Variants in SYNE4 observed in about 807,000 individuals in gnomAD.
SYNE4 encodes the protein nesprin-4.
In SYNE4, 41 loss-of-function variants were observed where a neutral mutation model predicts 46.9. The ratio of observed to expected loss-of-function variants is 0.87; its 90% CI spans 0.68 to 1.13. SYNE4 has a LOEUF of 1.13. Among genes scored for constraint, SYNE4 ranks in the 50% most tolerant of loss-of-function variants. The probability of loss-of-function intolerance (pLI) is 0.00; values close to 1 mark genes in which losing one functional copy is unlikely to be tolerated. For missense variants in SYNE4, 492 were observed against 514.8 expected (o/e 0.96, Z 0.43); for synonymous variants, 221 against 219.5 (o/e 1.01, Z -0.06).
At position 36,008,552 on chromosome 19, in the gene SYNE4, A is replaced by G. The variant is rs750079185; in HGVS notation, c.128+2T>C. The G allele has an allele frequency of 6.2e-7, 1 of 1,613,138 alleles. No individual in the cohort carries two copies. Among genetic ancestry groups the G allele is most frequent in the South Asian group, 1.1e-5 (1 of 91,014 alleles). On this transcript the variant is annotated splice_donor_variant, in intron 1 of 7. Transcript: ENST00000324444. LOFTEE classifies it high-confidence loss of function. ...ACAAGCTTCCAAAGCCCCGGCCCCCACCTCGTGCTCTCCTCTCCGGACGCG... is the reference window on the plus strand; with the variant it reads ...ACAAGCTTCCAAAGCCCCGGCCCCCGCCTCGTGCTCTCCTCTCCGGACGCG...
chr19:36,008,677 G>A lies in SYNE4; in HGVS notation c.5C>T (p.Ala2Val), dbSNP rs1230414382. 1.9e-6 allele frequency: 3 copies of A among 1,610,208 alleles called. No individual in the cohort carries two copies. Among genetic ancestry groups the A allele is most frequent in the Non-Finnish European group, 2.5e-6 (3 of 1,178,324 alleles). M[A>V]LSLPLGPRLG... ...TCTAGGGCCCAGAGGCAGGGACAGGGCCATGGCTGGGGGCCTGGGGACACA... is the reference window on the plus strand; with the variant it reads ...TCTAGGGCCCAGAGGCAGGGACAGGACCATGGCTGGGGGCCTGGGGACACA... The change falls in exon 1 of 8, where the codon GCC becomes GTC. Residue 2 changes from alanine to valine, a missense_variant. Coordinates refer to ENST00000324444, the MANE Select transcript of SYNE4 (RefSeq NM_001039876.3).
At position 36,008,166 on chromosome 19, in the gene SYNE4, G is replaced by A. The variant is rs369332263; in HGVS notation, c.279+51C>T. The A allele has an allele frequency of 1.3e-4, 209 of 1,564,370 alleles. 1 individual carries two copies. The South Asian group carries it at 1.9e-3, about 14-fold the overall frequency. ...TCAGTATGGAGGCCAGACTCCAGGGGACAGAGAGGAGGTGGGGCTGGCACA... is the reference window on the plus strand; with the variant it reads ...TCAGTATGGAGGCCAGACTCCAGGGAACAGAGAGGAGGTGGGGCTGGCACA... On this transcript the variant is annotated intron_variant, in intron 2 of 7. Transcript: ENST00000324444.
chr19:36,007,889 G>A (rs140433479), intron 2 of SYNE4, among the ~76,000 whole-genome samples: 1 of 151,958 alleles, frequency 6.6e-6, no homozygotes, highest in Non-Finnish European at 1.5e-5. Flanking sequence ...GCCAGGTATG[G>A]TGGCATGTGC....
At chr19:36,008,146 A>G (rs965374051) in intron 2 of SYNE4, 71 bp downstream of exon 2, 2 of 1,511,070 alleles carry the variant, frequency 1.3e-6, no homozygotes. Context: ...GGTCCTCAGT[A>G]TGGAGGCCAG....
chr19:36,004,593 C>A (rs1845254157), intron 6 of SYNE4, among the ~76,000 whole-genome samples: 1 of 152,242 alleles, frequency 6.6e-6, no homozygotes. Flanking sequence ...ACCTCCCCAA[C>A]TTCCATGATT....
intron 2 of SYNE4, 139 bp from the exon 3 acceptor site, chr19:36,007,407 G>T (rs1204034305): frequency 2.1e-6 from 3 of 1,427,200 alleles, no homozygotes; most frequent in Non-Finnish European, 2.8e-6. Flanking sequence ...GCACCAGGAT[G>T]GCTCCCACTG....
At chr19:36,003,581 C>T in intron 7 of SYNE4, 32 bp downstream of exon 7, 1 of 1,610,176 alleles carries the variant, frequency 6.2e-7, no homozygotes, top group Non-Finnish European at 8.5e-7. Flanking sequence ...CTCTGTCCCC[C>T]ACACCCTAGT....
At chr19:36,004,153 C>T (rs778627204) in intron 6 of SYNE4, among the ~76,000 whole-genome samples, 25 of 152,156 alleles carry the variant, frequency 1.6e-4, no homozygotes, top group Non-Finnish European at 2.6e-4. Flanking sequence ...GGACCACAGG[C>T]ACATGCCACT....
chr19:36,004,866 CTTTTTTTTTTT>C (rs59700541), intron 6 of SYNE4, among the ~76,000 whole-genome samples: 3 of 89,912 alleles, frequency 3.3e-5, no homozygotes, highest in East Asian at 3.3e-4. Flanking sequence ...TTCTTTCTTT[CTTTTTTTTTTT>C]TTTTTTTTTT....
Position 36,003,650 on chromosome 19 carries a change from G to A in SYNE4, c.994C>T (p.Pro332Ser), listed in dbSNP as rs749079483. The change falls in exon 7 of 8, where the codon CCT (proline) becomes TCT (serine). Residue 332 changes from proline to serine, a missense_variant. Coordinates refer to ENST00000324444, the MANE Select transcript of SYNE4 (RefSeq NM_001039876.3). ...TCCAGCCTCACATCCTGGAGATGAG[G>A]AGATGCTTGCCTCTTCTTGTCCTAA... ...KPQDKKRQAS[P>S]HLQDVRLEGN... The A allele has an allele frequency of 6.2e-7, 1 of 1,613,054 alleles. No individual in the cohort carries two copies. Among genetic ancestry groups the A allele is most frequent in the Non-Finnish European group, 8.5e-7 (1 of 1,179,746 alleles).
Position 36,008,639 on chromosome 19 carries a change from G to A in SYNE4, c.43C>T (p.Pro15Ser). 6.2e-7 allele frequency: 1 copy of A among 1,613,968 alleles called. No homozygotes were observed. Among genetic ancestry groups the A allele is most frequent in the Non-Finnish European group, 8.5e-7 (1 of 1,179,920 alleles). ...GGTGCTCCCGGTGGGTGGTTGAGGGGCTCTGAGCCAAGTCTAGGGCCCAGA... is the reference window on the plus strand; with the variant it reads ...GGTGCTCCCGGTGGGTGGTTGAGGGACTCTGAGCCAAGTCTAGGGCCCAGA... ...LPLGPRLGSE[P>S]LNHPPGAPRE... Residue 15 changes from proline (P) to serine (S), a missense_variant, in exon 1 of 8, where the codon CCC (proline) becomes TCC (serine). Pro to Ser is a moderately conservative substitution (Grantham distance 74, BLOSUM62 -1). Coordinates refer to ENST00000324444, the MANE Select transcript of SYNE4 (RefSeq NM_001039876.3).
In SYNE4 at chr19:36,007,813, C is replaced by T. The variant is rs372507186; in HGVS notation, c.279+404G>A. On this transcript the variant is annotated intron_variant, in intron 2 of 7. Coordinates refer to ENST00000324444, the MANE Select transcript of SYNE4 (RefSeq NM_001039876.3). Reference sequence around the variant, plus strand: ...CTGAGGTGGGTGGATCACCTGAGGTCGGGAGTTCGAGACTAGCCTGGCCAA... The same window carrying T: ...CTGAGGTGGGTGGATCACCTGAGGTTGGGAGTTCGAGACTAGCCTGGCCAA... Among the ~76,000 whole-genome samples the T allele has an allele frequency of 5.3e-5, 8 of 151,730 alleles. 1 individual carries two copies. The highest frequency in any genetic ancestry group is 3.4e-3 in the Middle Eastern group (1 of 292).
In SYNE4 at chr19:36,008,271, CG is replaced by C; in HGVS notation, c.224del (p.Pro75ArgfsTer28). On this transcript the variant is annotated frameshift_variant, in exon 2 of 8. Coordinates refer to ENST00000324444, the MANE Select transcript of SYNE4 (RefSeq NM_001039876.3). LOFTEE classifies it high-confidence loss of function. ...CGTAGGAAGAGGGTGTTGACCATCTCGGGGGGTGAGCGGCAGGCTCATTGCC... is the reference window on the plus strand; with the variant it reads ...CGTAGGAAGAGGGTGTTGACCATCTCGGGGGTGAGCGGCAGGCTCATTGCC... ...PRGNEPAAHP[P>X]RWSTPSSYED... 4 of 1,605,962 alleles carry C rather than the reference CG, an allele frequency of 2.5e-6. No individual in the cohort carries two copies. The highest frequency in any genetic ancestry group is 2.6e-6 in the Non-Finnish European group (3 of 1,175,822).
intron 6 of SYNE4, 77 bp from the exon 7 acceptor site, chr19:36,003,748 TCA>T: frequency 6.4e-7 from 1 of 1,551,436 alleles, no homozygotes; most frequent in Non-Finnish European, 8.7e-7. Context: ...AGACGGAGTC[TCA>T]CTCTTGGCAC....
chr19:36,008,627 G>A lies in SYNE4; in HGVS notation c.55C>T (p.Pro19Ser). The A allele has an allele frequency of 2.5e-6, 4 of 1,614,056 alleles. 1 individual carries two copies. The South Asian group carries it at 4.4e-5, about 18-fold the overall frequency. ...TCCGCCTCTCTAGGTGCTCCCGGTGGGTGGTTGAGGGGCTCTGAGCCAAGT... is the reference window on the plus strand; with the variant it reads ...TCCGCCTCTCTAGGTGCTCCCGGTGAGTGGTTGAGGGGCTCTGAGCCAAGT... ...PRLGSEPLNH[P>S]PGAPREADIV... is the part of the protein sequence containing the mutation. The change falls in exon 1 of 8, where the codon CCA (proline) becomes TCA (serine). Residue 19 changes from proline (P) to serine (S), a missense_variant. Coordinates refer to ENST00000324444, the MANE Select transcript of SYNE4 (RefSeq NM_001039876.3).
In SYNE4 at chr19:36,008,253, A is replaced by C; in HGVS notation, c.243T>G (p.Ser81=). 1 of 1,610,782 alleles carries C rather than the reference A, an allele frequency of 6.2e-7. No homozygotes were observed. Among genetic ancestry groups the C allele is most frequent in the Non-Finnish European group, 8.5e-7 (1 of 1,178,316 alleles). Residue 81 remains serine (S), a synonymous_variant, in exon 2 of 8, where the codon TCT becomes TCG. Coordinates refer to ENST00000324444, the MANE Select transcript of SYNE4 (RefSeq NM_001039876.3). ...AAHPPRWSTP[S]SYEDPAGGKH... ...TGCCCCCAGCTGGGTCCTCGTAGGA[A>C]GAGGGTGTTGACCATCTCGGGGGGT...
At chr19:36,004,866 C>CTTTTT (rs59700541) in intron 6 of SYNE4, among the ~76,000 whole-genome samples, 1,591 of 90,104 alleles carry the variant, frequency 0.018, 8 homozygotes, top group East Asian at 0.025. Flanking sequence ...TTCTTTCTTT[C>CTTTTT]TTTTTTTTTT....
At position 36,007,166 on chromosome 19, in the gene SYNE4, C is replaced by G; in HGVS notation, c.382G>C (p.Gly128Arg). The G allele has an allele frequency of 6.3e-7, 1 of 1,592,160 alleles. No homozygotes were observed. The highest frequency in any genetic ancestry group is 8.5e-7 in the Non-Finnish European group (1 of 1,169,730). ...RRLQDLEQGL[G>R]HWALAQSGMV... ...CCACTCTGGGCCAATGCCCAGTGCCCCAGGCCTTGCTCCAGGTCCTGCAGC... is the reference window on the plus strand; with the variant it reads ...CCACTCTGGGCCAATGCCCAGTGCCGCAGGCCTTGCTCCAGGTCCTGCAGC... Residue 128 changes from glycine to arginine, a missense_variant, in exon 3 of 8, where the codon GGG becomes CGG. Physicochemically the swap from Gly to Arg is moderately radical, Grantham distance 125. Transcript: ENST00000324444.
chr19:36,004,856 T>C (rs1269906857), intron 6 of SYNE4, among the ~76,000 whole-genome samples: 1 of 144,956 alleles, frequency 6.9e-6, no homozygotes, highest in African/African-American at 2.6e-5. Flanking sequence ...CTGATGTTAT[T>C]TCTTTCTTTC....
Sources: allele counts gnomAD v4.1 joint callset (sites outside exome capture counted in the v4.1 genomes callset), GRCh38; gene constraint gnomAD v4.1.1; transcripts MANE v1.5; gene names NCBI Gene and HGNC (gene_info 2026-07-23, HGNC 2026-07-21).